Variants in OPHN1 observed in about 807,000 individuals in gnomAD.
The protein encoded by OPHN1 is oligophrenin 1.
Under a neutral mutation model 60.7 loss-of-function variants are expected in OPHN1, and 11 were observed. The ratio of observed to expected loss-of-function variants is 0.18; its 90% CI spans 0.11 to 0.30. The LOEUF is 0.30. Among genes scored for constraint, OPHN1 ranks in the 10% least tolerant of loss-of-function variants. The probability of loss-of-function intolerance (pLI) is 1.00; values close to 1 mark genes in which losing one functional copy is unlikely to be tolerated. For synonymous variants in OPHN1, 226 were observed against 222.6 expected (o/e 1.02, Z -0.14); for missense variants, 449 against 611.0 (o/e 0.73, Z 2.80).
chrX:68,151,246 T>C (rs767262407), intron 15 of OPHN1, among the ~76,000 whole-genome samples: 2 of 112,364 alleles, frequency 1.8e-5, no homozygotes, highest in Non-Finnish European at 3.8e-5. Context: ...AAAGCAGCCA[T>C]AGACAACAAG....
chrX:68,353,926 A>T (rs2078426531), intron 2 of OPHN1, among the ~76,000 whole-genome samples: 1 of 111,921 alleles, frequency 8.9e-6, no homozygotes, highest in African/African-American at 3.2e-5. Context: ...AATATTATTG[A>T]CTTAACATCC....
intron 2 of OPHN1, among the ~76,000 whole-genome samples, chrX:68,425,560 A>G (rs1192537414): frequency 1.8e-5 from 2 of 111,687 alleles, no homozygotes; most frequent in Non-Finnish European, 3.8e-5. Flanking sequence ...CTCACCAGAT[A>G]GGTGCTCCGG....
intron 6 of OPHN1, among the ~76,000 whole-genome samples, chrX:68,232,989 A>G (rs922414089): frequency 9.7e-6 from 1 of 102,890 alleles, no homozygotes; most frequent in Non-Finnish European, 2.0e-5. Flanking sequence ...AGTGCAATGG[A>G]GTGATCTCAG....
chrX:68,377,703 A>G (rs1012354663), intron 2 of OPHN1, among the ~76,000 whole-genome samples: 4 of 109,090 alleles, frequency 3.7e-5, no homozygotes, highest in African/African-American at 1.3e-4. Context: ...TTCTTGCGAT[A>G]GTTTACTGAG....
At chrX:68,392,587 G>A (rs969394861) in intron 2 of OPHN1, among the ~76,000 whole-genome samples, 3 of 109,911 alleles carry the variant, frequency 2.7e-5, no homozygotes, top group Non-Finnish European at 5.7e-5. Flanking sequence ...CCTAAATGGG[G>A]ACAGTCATTC....
At chrX:68,246,473 G>T (rs2077806489) in intron 5 of OPHN1, among the ~76,000 whole-genome samples, 1 of 111,909 alleles carries the variant, frequency 8.9e-6, no homozygotes, top group South Asian at 3.7e-4. Flanking sequence ...AGATAAAAAG[G>T]CAAAGATAGG....
chrX:68,312,894 C>T (rs1363839537), intron 2 of OPHN1, among the ~76,000 whole-genome samples: 1 of 110,934 alleles, frequency 9.0e-6, no homozygotes, highest in Non-Finnish European at 1.9e-5. Context: ...TTACTTGAGT[C>T]AAGGAGCTCA....
chrX:68,200,502 A>G (rs1198669669), intron 11 of OPHN1, among the ~76,000 whole-genome samples: 1 of 111,333 alleles, frequency 9.0e-6, no homozygotes, highest in Non-Finnish European at 1.9e-5. Flanking sequence ...TCCCCTTCCT[A>G]CTGGAACTGA....
chrX:68,116,571 A>C (rs768589386), intron 16 of OPHN1, among the ~76,000 whole-genome samples: 1 of 111,316 alleles, frequency 9.0e-6, no homozygotes, highest in African/African-American at 3.3e-5. Context: ...ACTATCATCT[A>C]TATGGTCAAT....
At chrX:68,094,864 G>T (rs1026166668) in intron 19 of OPHN1, among the ~76,000 whole-genome samples, 7 of 110,990 alleles carry the variant, frequency 6.3e-5, no homozygotes, top group Non-Finnish European at 9.4e-5. Flanking sequence ...CTGCCTCTGG[G>T]ATTTTGCACT....
At position 68,084,819 on chromosome X, in the gene OPHN1, T is replaced by C. The variant is rs191083217; in HGVS notation, c.1687-11520A>G. 8.2e-3 allele frequency among the ~76,000 whole-genome samples: 920 copies of C among 112,064 alleles called. 9 individuals carry two copies. The highest frequency in any genetic ancestry group is 0.028 in the African/African-American group (873 of 30,816). Reference sequence around the variant, plus strand: ...GAGAGCAGTTTTGCCAATGTGGCAGTAGGCAGAGCTCAGAGAAGGTGCTTG... The same window carrying C: ...GAGAGCAGTTTTGCCAATGTGGCAGCAGGCAGAGCTCAGAGAAGGTGCTTG... On this transcript the variant is annotated intron_variant, in intron 19 of 24. Coordinates refer to ENST00000355520, the MANE Select transcript of OPHN1 (RefSeq NM_002547.3).
intron 2 of OPHN1, among the ~76,000 whole-genome samples, chrX:68,336,920 G>C (rs938728070): frequency 9.1e-6 from 1 of 110,304 alleles, no homozygotes; most frequent in Non-Finnish European, 1.9e-5. Flanking sequence ...CATTAGCTAG[G>C]CATGGTGGTA....
At chrX:68,412,571 T>C (rs1362321974) in intron 2 of OPHN1, among the ~76,000 whole-genome samples, 3 of 111,938 alleles carry the variant, frequency 2.7e-5, no homozygotes, top group African/African-American at 9.7e-5. Flanking sequence ...GTGGTGATGG[T>C]TATACAACAA....
chrX:68,174,997 T>C (rs993737021), intron 15 of OPHN1, among the ~76,000 whole-genome samples: 4 of 109,602 alleles, frequency 3.6e-5, no homozygotes, highest in Non-Finnish European at 7.6e-5. Context: ...GGCAGGAGAA[T>C]TGCTGGAACC....
At chrX:68,229,937 T>G (rs201658782) in intron 6 of OPHN1, among the ~76,000 whole-genome samples, 78 of 111,897 alleles carry the variant, frequency 7.0e-4, no homozygotes, top group African/African-American at 2.3e-3. Context: ...CTAAAGAGCT[T>G]CTGCACAGCA....
intron 2 of OPHN1, among the ~76,000 whole-genome samples, chrX:68,323,302 C>A (rs1231335595): frequency 2.7e-5 from 3 of 111,596 alleles, no homozygotes; most frequent in African/African-American, 9.8e-5. Context: ...GGCTTCCTTT[C>A]TCTTTCTTGA....
chrX:68,419,704 C>T (rs755034992), intron 2 of OPHN1, among the ~76,000 whole-genome samples: 5 of 109,368 alleles, frequency 4.6e-5, no homozygotes, highest in Non-Finnish European at 7.6e-5. Context: ...CCATACTTGG[C>T]TAAATTTTGT....
intron 2 of OPHN1, among the ~76,000 whole-genome samples, chrX:68,415,111 A>G (rs1420345700): frequency 9.0e-6 from 1 of 111,402 alleles, no homozygotes; most frequent in African/African-American, 3.3e-5. Context: ...GCTAGGAAGC[A>G]GAGGAGTTGA....
chrX:68,126,455 T>C (rs2077172240), intron 15 of OPHN1, among the ~76,000 whole-genome samples: 1 of 111,137 alleles, frequency 9.0e-6, no homozygotes, highest in Admixed American at 9.6e-5. Flanking sequence ...ATTCAATTTT[T>C]TTTTTTTGAG....
Sources: allele counts gnomAD v4.1 joint callset (sites outside exome capture counted in the v4.1 genomes callset), GRCh38; gene constraint gnomAD v4.1.1; transcripts MANE v1.5; gene names NCBI Gene and HGNC (gene_info 2026-07-23, HGNC 2026-07-21).